Variants in PIEZO2 observed in about 807,000 individuals in gnomAD.
The protein encoded by PIEZO2 is piezo type mechanosensitive ion channel component 2, also known as piezo-type mechanosensitive ion channel component 2.
A neutral mutation model predicts 337.3 loss-of-function variants in PIEZO2; 172 were observed. The ratio of observed to expected loss-of-function variants is 0.51; its 90% CI spans 0.45 to 0.58. The LOEUF is 0.58. Ranked by LOEUF, PIEZO2 falls within the 20% of genes least tolerant of loss-of-function variation. PIEZO2 has a pLI of 0.00. For synonymous variants in PIEZO2, 1,251 were observed against 1,228.5 expected (o/e 1.02, Z -0.38); for missense variants, 3,028 against 3,391.3 (o/e 0.89, Z 2.66).
At chr18:10,838,396 C>A (rs538768947) in intron 7 of PIEZO2, among the ~76,000 whole-genome samples, 2 of 152,172 alleles carry the variant, frequency 1.3e-5, no homozygotes, top group South Asian at 2.1e-4. Flanking sequence ...ATTGTTTTTT[C>A]AACCTTGGAA....
In PIEZO2 at chr18:10,899,875, T is replaced by C. The variant is rs879696204; in HGVS notation, c.329+11311A>G. ...GTTTTTTAGTTCAAGAATGCACTGT[T>C]TTCTGTAGGATCTCATTGTCATTCA... On this transcript the variant is annotated intron_variant, in intron 4 of 55. Coordinates refer to ENST00000674853, the MANE Select transcript of PIEZO2 (RefSeq NM_001378183.1). The surrounding 1 kb of genome is among the most constrained non-coding windows in gnomAD (Gnocchi z 4.6). Among the ~76,000 whole-genome samples, 5 of 152,196 alleles carry C rather than the reference T, an allele frequency of 3.3e-5. No individual in the cohort carries two copies. The highest frequency in any genetic ancestry group is 5.9e-5 in the Non-Finnish European group (4 of 68,038).
Position 10,828,662 on chromosome 18 carries a change from A to T in PIEZO2, c.918-21388T>A, listed in dbSNP as rs946881062. On this transcript the variant is annotated intron_variant, in intron 7 of 55. Transcript: ENST00000674853. The surrounding 1 kb of genome is among the most constrained non-coding windows in gnomAD (Gnocchi z 4.1). ...AAATCCTTATGCCAATAATAGCACCATGCGGGTGGCAATACTGGTCATATG... is the reference window on the plus strand; with the variant it reads ...AAATCCTTATGCCAATAATAGCACCTTGCGGGTGGCAATACTGGTCATATG... Among the ~76,000 whole-genome samples, 5 of 152,194 alleles carry T rather than the reference A, an allele frequency of 3.3e-5. No homozygotes were observed. Among genetic ancestry groups the T allele is most frequent in the African/African-American group, 1.2e-4 (5 of 41,438 alleles).
At position 10,766,630 on chromosome 18, in the gene PIEZO2, C is replaced by T. The variant is rs1324627359; in HGVS notation, c.2946+3518G>A. 6.6e-6 allele frequency among the ~76,000 whole-genome samples: 1 copy of T among 152,174 alleles called. No homozygotes were observed. The highest frequency in any genetic ancestry group is 2.4e-5 in the African/African-American group (1 of 41,448). ...CCTGCACTTACCCATCCCTGGCTTC[C>T]CTCTCCCAGAGAACCCCAGTTGCAA... On this transcript the variant is annotated intron_variant, in intron 21 of 55. Coordinates refer to ENST00000674853, the MANE Select transcript of PIEZO2 (RefSeq NM_001378183.1). This position sits in a 1 kb window ranked among gnomAD's most constrained non-coding sequence, Gnocchi z 6.1.
At chr18:11,088,080 C>T (rs1344467076) in intron 1 of PIEZO2, among the ~76,000 whole-genome samples, 1 of 152,230 alleles carries the variant, frequency 6.6e-6, no homozygotes, top group African/African-American at 2.4e-5. Context: ...GGACCTTAGG[C>T]AGACCTCAAT....
intron 7 of PIEZO2, among the ~76,000 whole-genome samples, chr18:10,842,761 C>G (rs2041236262): frequency 6.6e-6 from 1 of 152,212 alleles, no homozygotes; most frequent in Admixed American, 6.5e-5. Context: ...GTGTTTATGG[C>G]AAAACTTATC....
chr18:11,103,608 T>C (rs1465446601), intron 1 of PIEZO2, among the ~76,000 whole-genome samples: 3 of 152,232 alleles, frequency 2.0e-5, no homozygotes, highest in African/African-American at 7.2e-5. Flanking sequence ...CTCCATTTCC[T>C]TACTGAGAAT....
chr18:10,743,415 T>A (rs1484886729), intron 31 of PIEZO2, among the ~76,000 whole-genome samples: 1 of 152,154 alleles, frequency 6.6e-6, no homozygotes, highest in African/African-American at 2.4e-5. Flanking sequence ...CAAACAGTCC[T>A]CAGAGGTTCC....
At chr18:10,996,526 C>A (rs2035325699) in intron 2 of PIEZO2, among the ~76,000 whole-genome samples, 1 of 152,220 alleles carries the variant, frequency 6.6e-6, no homozygotes, top group African/African-American at 2.4e-5. Flanking sequence ...CAACCCCTGG[C>A]AACTGTAAGT....
intron 1 of PIEZO2, among the ~76,000 whole-genome samples, chr18:11,118,916 T>C (rs994406566): frequency 2.0e-5 from 3 of 152,180 alleles, no homozygotes; most frequent in African/African-American, 7.2e-5. Flanking sequence ...TTCTTCACCT[T>C]CAAAGCAACT....
chr18:11,034,515 G>C (rs1459096373), intron 2 of PIEZO2, among the ~76,000 whole-genome samples: 1 of 152,052 alleles, frequency 6.6e-6, no homozygotes, highest in Admixed American at 6.5e-5. Context: ...GGATGGTCTC[G>C]ATCTCCTGAC....
At chr18:10,823,316 T>C (rs1003324068) in intron 7 of PIEZO2, among the ~76,000 whole-genome samples, 1 of 152,216 alleles carries the variant, frequency 6.6e-6, no homozygotes, top group African/African-American at 2.4e-5. Context: ...ATTTTGTATT[T>C]TGGAGATTAC....
At chr18:10,811,528 G>T (rs1213837741) in intron 7 of PIEZO2, among the ~76,000 whole-genome samples, 1 of 152,166 alleles carries the variant, frequency 6.6e-6, no homozygotes, top group Non-Finnish European at 1.5e-5. Flanking sequence ...TTAAAAAAGA[G>T]AGAAAGGTAA....
chr18:10,822,587 G>T (rs944462797), intron 7 of PIEZO2, among the ~76,000 whole-genome samples: 1 of 152,150 alleles, frequency 6.6e-6, no homozygotes, highest in Non-Finnish European at 1.5e-5. Context: ...AGGGAACCAG[G>T]CCAGTGTCTG....
At chr18:11,136,935 T>C (rs2040506211) in intron 1 of PIEZO2, among the ~76,000 whole-genome samples, 1 of 152,236 alleles carries the variant, frequency 6.6e-6, no homozygotes, top group Admixed American at 6.5e-5. Flanking sequence ...TATACGATTG[T>C]TTAGCTTCAA....
At chr18:11,076,199 G>A (rs79840257) in intron 1 of PIEZO2, among the ~76,000 whole-genome samples, 2,526 of 152,258 alleles carry the variant, frequency 0.017, 79 homozygotes, top group African/African-American at 0.057. Context: ...TCAGCACAAC[G>A]CTGAACTGAT....
At chr18:11,084,675 A>T (rs2146002721) in intron 1 of PIEZO2, among the ~76,000 whole-genome samples, 1 of 151,946 alleles carries the variant, frequency 6.6e-6, no homozygotes, top group East Asian at 1.9e-4. Context: ...TTTACCAAGA[A>T]CTCCATTTCA....
intron 27 of PIEZO2, among the ~76,000 whole-genome samples, chr18:10,756,386 T>C (rs1003644061): frequency 4.3e-5 from 6 of 140,040 alleles, no homozygotes; most frequent in African/African-American, 1.4e-4. Context: ...AGATAAAGGA[T>C]GAAAGATGAG....
intron 1 of PIEZO2, among the ~76,000 whole-genome samples, chr18:11,106,689 CAG>C (rs1162627306): frequency 6.6e-6 from 1 of 152,124 alleles, no homozygotes; most frequent in Non-Finnish European, 1.5e-5. Flanking sequence ...CCTGGGATGA[CAG>C]GGGTGAGCCA....
At chr18:11,076,863 C>A (rs1169166571) in intron 1 of PIEZO2, among the ~76,000 whole-genome samples, 2 of 152,128 alleles carry the variant, frequency 1.3e-5, no homozygotes, top group African/African-American at 2.4e-5. Flanking sequence ...AATAGCAGTG[C>A]TTCTTCCTCC....
Sources: gnomAD v4.1 joint callset for allele counts (sites outside exome capture counted in the v4.1 genomes callset) on GRCh38, gnomAD v4.1.1 for gene constraint, Gnocchi (gnomAD v3.1) non-coding constraint, MANE v1.5 for transcripts, NCBI Gene and HGNC (gene_info 2026-07-23, HGNC 2026-07-21) for gene names.